Variants in CR1L observed in about 807,000 individuals in gnomAD.
The protein encoded by CR1L is complement C3b/C4b receptor 1 like.
A neutral mutation model predicts 62.3 loss-of-function variants in CR1L; 59 were observed. The observed-to-expected ratio is 0.95, with a 90% CI of 0.77 to 1.18. The LOEUF (loss-of-function observed/expected upper bound fraction) is 1.18. Among genes scored for constraint, CR1L ranks in the 50% most tolerant of loss-of-function variants. CR1L has a pLI of 0.00. For synonymous variants in CR1L, 279 were observed against 248.7 expected (o/e 1.12, Z -1.15); for missense variants, 700 against 702.8 (o/e 1.00, Z 0.04).
intron 2 of CR1L, among the ~76,000 whole-genome samples, chr1:207,677,959 A>C (rs952966032): frequency 1.3e-5 from 2 of 152,216 alleles, no homozygotes; most frequent in African/African-American, 2.4e-5. Flanking sequence ...GATAATAACG[A>C]AGTTTACATT....
At chr1:207,682,462 AAATAAT>A (rs1189021351) in intron 3 of CR1L, among the ~76,000 whole-genome samples, 1 of 152,018 alleles carries the variant, frequency 6.6e-6, no homozygotes, top group East Asian at 1.9e-4. Flanking sequence ...TCTATCTCAA[AAATAAT>A]AATAATAATA....
chr1:207,691,785 T>C (rs1419022023), intron 4 of CR1L, among the ~76,000 whole-genome samples: 1 of 152,250 alleles, frequency 6.6e-6, no homozygotes, highest in East Asian at 1.9e-4. Context: ...ATTCCATTTG[T>C]GTCCTCCTCC....
intron 1 of CR1L, among the ~76,000 whole-genome samples, chr1:207,666,807 A>T (rs1663530977): frequency 6.6e-6 from 1 of 152,190 alleles, no homozygotes; most frequent in African/African-American, 2.4e-5. Flanking sequence ...CCATGACACA[A>T]GTTTACCTAT....
At position 207,711,829 on chromosome 1, in the gene CR1L, G is replaced by A. The variant is rs186625298; in HGVS notation, c.1414+3566G>A. On this transcript the variant is annotated intron_variant, in intron 10 of 11. Coordinates refer to ENST00000508064, the MANE Select transcript of CR1L (RefSeq NM_175710.2). ...CAGGAGAATCACTTGAACCTGGGAC[G>A]CGGAGGTTGCAGTGAGCTAAGATCA... Among the ~76,000 whole-genome samples the A allele has an allele frequency of 1.5e-3, 233 of 151,984 alleles. 3 individuals are homozygous for A. The highest frequency in any genetic ancestry group is 5.2e-3 in the African/African-American group (217 of 41,428).
chr1:207,674,943 C>A (rs1428759718), intron 1 of CR1L, among the ~76,000 whole-genome samples: 1 of 151,896 alleles, frequency 6.6e-6, no homozygotes, highest in Non-Finnish European at 1.5e-5. Context: ...AATATAGACT[C>A]CTGGGCTCTA....
chr1:207,656,684 G>A (rs571213096), intron 1 of CR1L, among the ~76,000 whole-genome samples: 1 of 152,274 alleles, frequency 6.6e-6, no homozygotes, highest in African/African-American at 2.4e-5. Context: ...GGAGCAAGGT[G>A]GGGAGGACGG....
intron 8 of CR1L, 110 bp downstream of exon 8, chr1:207,699,384 A>G (rs1664157726): frequency 1.5e-6 from 2 of 1,327,608 alleles, no homozygotes; most frequent in South Asian, 1.3e-5. Context: ...TGAATTATTG[A>G]TTTGAAAATT....
intron 3 of CR1L, 137 bp downstream of exon 3, chr1:207,678,434 G>C: frequency 1.4e-6 from 1 of 721,360 alleles, no homozygotes; most frequent in East Asian, 2.7e-5. Context: ...CAGGTGCTTA[G>C]CTCCTGACTG....
At chr1:207,652,644 A>T in intron 1 of CR1L, 1 of 1,186,280 alleles carries the variant, frequency 8.4e-7, no homozygotes, top group Non-Finnish European at 1.3e-6. Context: ...ATAAGTGTAA[A>T]AAAGGACACT....
chr1:207,700,472 A>T (rs1571528263), intron 8 of CR1L, among the ~76,000 whole-genome samples: 1 of 152,256 alleles, frequency 6.6e-6, no homozygotes, highest in East Asian at 1.9e-4. Context: ...AGACTATTAT[A>T]AACAAATCAG....
chr1:207,681,738 C>T lies in CR1L; in HGVS notation c.378-2134C>T, dbSNP rs141116994. Reference sequence around the variant, plus strand: ...TCAAAAAGAACACTTTGAGAAATAACCTCAGTGGGGTCAAAAGCCAGAGTC... The same window carrying T: ...TCAAAAAGAACACTTTGAGAAATAATCTCAGTGGGGTCAAAAGCCAGAGTC... On this transcript the variant is annotated intron_variant, in intron 3 of 11. Transcript: ENST00000508064. 4.6e-3 allele frequency among the ~76,000 whole-genome samples: 703 copies of T among 152,246 alleles called. 10 individuals carry two copies. The highest frequency in any genetic ancestry group is 0.014 in the Middle Eastern group (4 of 294).
chr1:207,720,600 C>G (rs554250797), intron 11 of CR1L, among the ~76,000 whole-genome samples: 1 of 152,234 alleles, frequency 6.6e-6, no homozygotes, highest in South Asian at 2.1e-4. Flanking sequence ...ACATCAGAGG[C>G]CTGATTCATT....
At chr1:207,667,698 G>A (rs1001263873) in intron 1 of CR1L, among the ~76,000 whole-genome samples, 4 of 151,954 alleles carry the variant, frequency 2.6e-5, no homozygotes, top group Admixed American at 2.0e-4. Context: ...ACATTTATGG[G>A]ATACAGCAAA....
chr1:207,697,422 T>C, intron 5 of CR1L, 81 bp from the exon 6 acceptor site: 1 of 1,610,772 alleles, frequency 6.2e-7, no homozygotes, highest in South Asian at 1.1e-5. Flanking sequence ...AGATTTGTAA[T>C]TATTATTCCC....
At chr1:207,660,559 C>T (rs1469568456) in intron 1 of CR1L, among the ~76,000 whole-genome samples, 1 of 152,184 alleles carries the variant, frequency 6.6e-6, no homozygotes, top group African/African-American at 2.4e-5. Flanking sequence ...GTCTTGCTAG[C>T]AGTCTATCAA....
chr1:207,659,478 A>G (rs1361488220), intron 1 of CR1L, among the ~76,000 whole-genome samples: 2 of 152,164 alleles, frequency 1.3e-5, no homozygotes, highest in Admixed American at 6.5e-5. Flanking sequence ...AATTTTTTAG[A>G]ATTAAGTTTT....
At chr1:207,672,861 T>A (rs764079899) in intron 1 of CR1L, among the ~76,000 whole-genome samples, 1 of 152,138 alleles carries the variant, frequency 6.6e-6, no homozygotes, top group African/African-American at 2.4e-5. Context: ...GATGAGTAGA[T>A]GTATGATTTA....
At chr1:207,708,032 T>C (rs1314992170) in intron 9 of CR1L, 146 bp from the exon 10 acceptor site, 42 of 941,288 alleles carry the variant, frequency 4.5e-5, no homozygotes, top group Non-Finnish European at 8.3e-6. Flanking sequence ...GAAAAAGAAG[T>C]AGAAAAGCTG....
intron 4 of CR1L, among the ~76,000 whole-genome samples, chr1:207,691,292 A>C (rs922884377): frequency 5.9e-5 from 9 of 152,154 alleles, no homozygotes; most frequent in African/African-American, 2.2e-4. Context: ...TACTTTGTAC[A>C]TTAATATAGC....
Sources: allele counts gnomAD v4.1 joint callset (sites outside exome capture counted in the v4.1 genomes callset), GRCh38; gene constraint gnomAD v4.1.1; transcripts MANE v1.5; gene names NCBI Gene and HGNC (gene_info 2026-07-23, HGNC 2026-07-21).